Variants in NHSL1 observed in about 807,000 individuals in gnomAD.
NHSL1 encodes the protein NHS-like protein 1.
A neutral mutation model predicts 95.0 loss-of-function variants in NHSL1; 48 were observed. That is an observed-to-expected ratio of 0.51 (90% CI 0.40 to 0.64). The LOEUF is 0.64. NHSL1 is among the 30% of genes least tolerant of loss of function. The pLI is 0.00. For synonymous variants in NHSL1, 783 were observed against 833.9 expected, an observed-to-expected ratio of 0.94 and a Z score of 1.05; for missense variants, 1,971 against 2,077.7, an observed-to-expected ratio of 0.95 and a Z score of 1.00.
chr6:138,635,050 A>C (rs1784870073), intron 1 of NHSL1, among the ~76,000 whole-genome samples: 1 of 151,924 alleles, frequency 6.6e-6, no homozygotes, highest in Non-Finnish European at 1.5e-5. Context: ...CTAAGAGGAA[A>C]GTTTATAGCT....
chr6:138,523,211 GA>G (rs572979566), intron 1 of NHSL1, among the ~76,000 whole-genome samples: 65 of 152,244 alleles, frequency 4.3e-4, no homozygotes, highest in Admixed American at 1.6e-3. Context: ...CTGTATTTAT[GA>G]GAAAAAAAAT....
chr6:138,510,889 G>T (rs1255433672), intron 1 of NHSL1, among the ~76,000 whole-genome samples: 1 of 152,148 alleles, frequency 6.6e-6, no homozygotes, highest in Non-Finnish European at 1.5e-5. Context: ...TCTAAAGCAA[G>T]AATGTCACAA....
intron 1 of NHSL1, among the ~76,000 whole-genome samples, chr6:138,610,560 T>TATATA (rs1554256222): frequency 1.6e-3 from 103 of 64,574 alleles, no homozygotes; most frequent in African/African-American, 8.0e-3. Flanking sequence ...TATATATATA[T>TATATA]TATATATATA....
intron 1 of NHSL1, among the ~76,000 whole-genome samples, chr6:138,515,338 A>G: frequency 6.6e-6 from 1 of 152,176 alleles, no homozygotes; most frequent in Non-Finnish European, 1.5e-5. Flanking sequence ...AAATCAGTTC[A>G]TTCATCTTCA....
chr6:138,492,141 C>T (rs942053038), intron 2 of NHSL1, among the ~76,000 whole-genome samples: 1 of 152,106 alleles, frequency 6.6e-6, no homozygotes, highest in Admixed American at 6.5e-5. Flanking sequence ...CAGAGTAGAG[C>T]GAAATTATAC....
chr6:138,665,456 G>A (rs996572781), intron 1 of NHSL1, among the ~76,000 whole-genome samples: 3 of 152,078 alleles, frequency 2.0e-5, no homozygotes, highest in Non-Finnish European at 2.9e-5. Flanking sequence ...TCTTCATAGA[G>A]GCCACCTACT....
In NHSL1 at chr6:138,433,226, G is replaced by A. The variant is rs979054802; in HGVS notation, c.1119C>T (p.Ala373=). ...ADENLGHLGG[A]SGTGTLLRPK... ...GTCTCAAAAGTGTTCCAGTCCCTGAGGCACCTCCTAAATGGCCTAAGTTTT... is the reference window on the plus strand; with the variant it reads ...GTCTCAAAAGTGTTCCAGTCCCTGAAGCACCTCCTAAATGGCCTAAGTTTT... Residue 373 remains alanine (A), a synonymous_variant, in exon 6 of 8, where the codon GCC becomes GCT. Coordinates refer to ENST00000343505, the MANE Select transcript of NHSL1 (RefSeq NM_001144060.2). The A allele has an allele frequency of 5.9e-5, 91 of 1,551,220 alleles. No homozygotes were observed. The highest frequency in any genetic ancestry group is 6.5e-5 in the Non-Finnish European group (74 of 1,146,818).
intron 2 of NHSL1, 79 bp from the exon 3 acceptor site, chr6:138,473,512 CT>C: frequency 3.1e-6 from 4 of 1,288,594 alleles, no homozygotes; most frequent in Non-Finnish European, 4.0e-6. Context: ...GTTTACTCCT[CT>C]TTTTTACTTT....
At chr6:138,466,814 T>A (rs1365797413) in intron 3 of NHSL1, among the ~76,000 whole-genome samples, 1 of 152,122 alleles carries the variant, frequency 6.6e-6, no homozygotes, top group East Asian at 1.9e-4. Flanking sequence ...CCCGGCTCAG[T>A]GGCTCACACC....
upstream of NHSL1, chr6:138,545,753 C>A: frequency 2.5e-6 from 3 of 1,216,348 alleles, no homozygotes; most frequent in Non-Finnish European, 3.1e-6. Flanking sequence ...AGCGGGGCGG[C>A]CAGCCAGCGC....
chr6:138,651,733 A>G (rs1441521968), intron 1 of NHSL1, among the ~76,000 whole-genome samples: 1 of 152,222 alleles, frequency 6.6e-6, no homozygotes. Flanking sequence ...CACCACCAGC[A>G]AAGAGCTCAA....
At chr6:138,647,192 GA>G (rs2114698121) in intron 1 of NHSL1, among the ~76,000 whole-genome samples, 1 of 152,186 alleles carries the variant, frequency 6.6e-6, no homozygotes, top group East Asian at 1.9e-4. Flanking sequence ...TCCTGGGGGC[GA>G]AAATACAAAA....
intron 2 of NHSL1, among the ~76,000 whole-genome samples, chr6:138,475,761 C>A (rs967235908): frequency 1.2e-4 from 18 of 151,998 alleles, no homozygotes; most frequent in African/African-American, 3.9e-4. Context: ...GCCTGGGCAA[C>A]ATGGCAAAAC....
chr6:138,679,741 T>C (rs1785489552), intron 1 of NHSL1, among the ~76,000 whole-genome samples: 1 of 152,184 alleles, frequency 6.6e-6, no homozygotes, highest in Admixed American at 6.5e-5. Flanking sequence ...GTCAGAGAGA[T>C]GCACCCCAAT....
At chr6:138,492,087 G>C (rs970397982) in intron 2 of NHSL1, among the ~76,000 whole-genome samples, 1 of 152,126 alleles carries the variant, frequency 6.6e-6, no homozygotes, top group Non-Finnish European at 1.5e-5. Flanking sequence ...AGTCTCCAGA[G>C]ACTCTCCAGC....
intron 1 of NHSL1, among the ~76,000 whole-genome samples, chr6:138,565,176 G>A (rs1009142428): frequency 2.0e-5 from 3 of 150,970 alleles, no homozygotes; most frequent in African/African-American, 7.3e-5. Flanking sequence ...GTGAGATCTC[G>A]GCTCACTGCA....
At chr6:138,577,222 A>G (rs1322529404), upstream of NHSL1, among the ~76,000 whole-genome samples, 1 of 152,394 alleles carries the variant, frequency 6.6e-6, no homozygotes, top group Non-Finnish European at 1.5e-5. Context: ...GACAGGATAT[A>G]GGATTAGACA....
At chr6:138,660,081 C>A (rs1332845301) in intron 1 of NHSL1, among the ~76,000 whole-genome samples, 1 of 152,176 alleles carries the variant, frequency 6.6e-6, no homozygotes. Context: ...CCTCACATTC[C>A]TCTTACTCCG....
At chr6:138,453,699 A>C (rs1402405051) in intron 3 of NHSL1, among the ~76,000 whole-genome samples, 3 of 151,992 alleles carry the variant, frequency 2.0e-5, no homozygotes, top group Non-Finnish European at 2.9e-5. Context: ...GGCACAAGCC[A>C]CCATGCCCAG....
Sources: allele counts gnomAD v4.1 joint callset (sites outside exome capture counted in the v4.1 genomes callset), GRCh38; gene constraint gnomAD v4.1.1; transcripts MANE v1.5; gene names NCBI Gene and HGNC (gene_info 2026-07-23, HGNC 2026-07-21).